Variants in DMD observed in about 807,000 individuals in gnomAD.
DMD encodes the protein dystrophin, also known as mutant dystrophin.
Under a neutral mutation model 330.1 loss-of-function variants are expected in DMD, and 63 were observed. The ratio of observed to expected loss-of-function variants is 0.19; its 90% CI spans 0.16 to 0.24. The LOEUF (loss-of-function observed/expected upper bound fraction) is 0.24, where lower values mean the gene tolerates loss of function less well. Ranked by LOEUF, DMD falls within the 10% of genes least tolerant of loss-of-function variation. The pLI is 1.00. For synonymous variants in DMD, 1,223 were observed against 959.8 expected (o/e 1.27, Z -5.07); for missense variants, 3,344 against 2,684.1 (o/e 1.25, Z -5.43).
chrX:32,738,590 G>T (rs1045031257), intron 7 of DMD, among the ~76,000 whole-genome samples: 4 of 111,253 alleles, frequency 3.6e-5, no homozygotes, highest in Non-Finnish European at 7.6e-5. Flanking sequence ...TCTTTTCTTG[G>T]ACTGCCGGTG....
intron 44 of DMD, among the ~76,000 whole-genome samples, chrX:31,971,144 C>A (rs1292550877): frequency 1.8e-5 from 2 of 112,064 alleles, no homozygotes; most frequent in African/African-American, 6.5e-5. Flanking sequence ...AATGCCAATA[C>A]TGCTGGTCCA....
chrX:31,884,880 T>C (rs1444288084), intron 47 of DMD, among the ~76,000 whole-genome samples: 1 of 111,690 alleles, frequency 9.0e-6, no homozygotes, highest in African/African-American at 3.2e-5. Context: ...AAAGGAGTAT[T>C]ATAAATTATA....
At chrX:32,784,636 C>T (rs779256878) in intron 7 of DMD, among the ~76,000 whole-genome samples, 104 of 111,581 alleles carry the variant, frequency 9.3e-4, no homozygotes, top group African/African-American at 3.3e-3. Context: ...ATCATCTTAT[C>T]GATTTATGCA....
At chrX:32,769,061 A>C (rs1413384085) in intron 7 of DMD, among the ~76,000 whole-genome samples, 1 of 112,215 alleles carries the variant, frequency 8.9e-6, no homozygotes, top group East Asian at 2.8e-4. Context: ...AAACAAAAAA[A>C]CAAAAAACAT....
chrX:32,990,736 A>T (rs1426416713), intron 2 of DMD, among the ~76,000 whole-genome samples: 1 of 111,710 alleles, frequency 9.0e-6, no homozygotes, highest in African/African-American at 3.3e-5. Context: ...TGGAGAGTTT[A>T]CTGAAAGGCA....
intron 44 of DMD, among the ~76,000 whole-genome samples, chrX:32,107,824 C>T (rs1037271533): frequency 9.0e-6 from 1 of 111,116 alleles, no homozygotes; most frequent in Non-Finnish European, 1.9e-5. Flanking sequence ...AGTTGATGCA[C>T]AAAATTAACC....
chrX:31,320,926 T>C (rs1470324557), intron 62 of DMD, among the ~76,000 whole-genome samples: 3 of 111,293 alleles, frequency 2.7e-5, no homozygotes, highest in Admixed American at 9.6e-5. Context: ...TACTCACCTT[T>C]TGGCAAATTT....
intron 44 of DMD, among the ~76,000 whole-genome samples, chrX:32,097,899 C>CT (rs1420605875): frequency 1.8e-5 from 2 of 111,474 alleles, no homozygotes; most frequent in Non-Finnish European, 3.8e-5. Flanking sequence ...TTTTCATCTA[C>CT]TTTTTTTGAC....
chrX:32,131,684 T>G (rs1244298283), intron 44 of DMD, among the ~76,000 whole-genome samples: 1 of 112,449 alleles, frequency 8.9e-6, no homozygotes, highest in Non-Finnish European at 1.9e-5. Context: ...CTAAGATAAC[T>G]TCAAGAAAAT....
At chrX:31,897,741 A>T (rs1216994394) in intron 47 of DMD, among the ~76,000 whole-genome samples, 1 of 100,600 alleles carries the variant, frequency 9.9e-6, no homozygotes, top group Non-Finnish European at 2.0e-5. Context: ...GTGTCTGTTC[A>T]TGTCCTTCGC....
intron 44 of DMD, among the ~76,000 whole-genome samples, chrX:31,992,769 A>C (rs1174028856): frequency 1.8e-5 from 2 of 111,901 alleles, no homozygotes; most frequent in South Asian, 7.3e-4. Flanking sequence ...AACTAGAAAT[A>C]AATTAAAATT....
intron 1 of DMD, among the ~76,000 whole-genome samples, chrX:33,094,814 A>G (rs952102968): frequency 1.8e-5 from 2 of 110,322 alleles, no homozygotes; most frequent in African/African-American, 6.6e-5. Context: ...TCTCAAAAAA[A>G]AAAAAAAAGA....
intron 7 of DMD, among the ~76,000 whole-genome samples, chrX:32,742,815 T>C (rs185316418): frequency 8.9e-6 from 1 of 112,299 alleles, no homozygotes; most frequent in East Asian, 2.8e-4. Context: ...TTTCATGTTC[T>C]CTTCTGTAAA....
intron 55 of DMD, among the ~76,000 whole-genome samples, chrX:31,555,786 G>A (rs1166898251): frequency 8.9e-6 from 1 of 112,104 alleles, no homozygotes; most frequent in Non-Finnish European, 1.9e-5. Flanking sequence ...ATAATGTTGT[G>A]TACTGCAGAA....
chrX:32,260,789 T>TAGAA (rs2097319313), intron 43 of DMD, among the ~76,000 whole-genome samples: 1 of 93,275 alleles, frequency 1.1e-5, no homozygotes, highest in Non-Finnish European at 2.5e-5. Context: ...TTCTGCTTCT[T>TAGAA]CGAATCAAAG....
intron 42 of DMD, among the ~76,000 whole-genome samples, chrX:32,290,919 A>G (rs2097464623): frequency 8.9e-6 from 1 of 112,190 alleles, no homozygotes; most frequent in Non-Finnish European, 1.9e-5. Context: ...AACATGTATC[A>G]TATATTTGGT....
At chrX:32,768,444 TATCTG>T (rs1216938535) in intron 7 of DMD, among the ~76,000 whole-genome samples, 2 of 112,257 alleles carry the variant, frequency 1.8e-5, no homozygotes, top group Non-Finnish European at 3.8e-5. Flanking sequence ...AAGACAAGTG[TATCTG>T]ATCTAACACA....
intron 20 of DMD, among the ~76,000 whole-genome samples, chrX:32,490,196 C>T (rs1472015955): frequency 5.4e-5 from 6 of 111,649 alleles, no homozygotes; most frequent in Non-Finnish European, 1.1e-4. Flanking sequence ...AATCTCCACT[C>T]CTTGCCTTTT....
At chrX:33,079,133 C>T (rs936256655) in intron 1 of DMD, among the ~76,000 whole-genome samples, 1 of 111,503 alleles carries the variant, frequency 9.0e-6, no homozygotes, top group Non-Finnish European at 1.9e-5. Context: ...TAGGTTCAAG[C>T]GATTCTCCTG....
Sources: gnomAD v4.1 joint callset for allele counts (sites outside exome capture counted in the v4.1 genomes callset) on GRCh38, gnomAD v4.1.1 for gene constraint, MANE v1.5 for transcripts, NCBI Gene and HGNC (gene_info 2026-07-23, HGNC 2026-07-21) for gene names.